SHF: variants seen among roughly 807,000 people sequenced by gnomAD.
SHF encodes SH2 domain-containing adapter protein F.
A neutral mutation model predicts 42.4 loss-of-function variants in SHF; 30 were observed. The observed-to-expected ratio is 0.71, with a 90% CI of 0.53 to 0.96. The LOEUF (loss-of-function observed/expected upper bound fraction) is 0.96. Among genes scored for constraint, SHF ranks in the 40% least tolerant of loss-of-function variants. SHF has a pLI of 0.00. For missense variants in SHF, 598 were observed against 634.0 expected, an observed-to-expected ratio of 0.94 and a Z score of 0.61; for synonymous variants, 264 against 269.9, an observed-to-expected ratio of 0.98 and a Z score of 0.21.
In SHF at chr15:45,167,905, C is replaced by T. The variant is rs1472770488; in HGVS notation, c.*42G>A. The T allele has an allele frequency of 2.0e-6, 3 of 1,478,202 alleles. No individual in the cohort carries two copies. Among genetic ancestry groups the T allele is most frequent in the Non-Finnish European group, 1.8e-6 (2 of 1,104,902 alleles). 91.6% of individuals were successfully genotyped at this position (1,478,202 alleles called of 1,614,324 possible). ...ACAGCCCTCAGCCAGGTGATGGGCA[C>T]AGGGCTGGGTACAGGTCTATCACAG... On this transcript the variant is annotated 3_prime_UTR_variant, in exon 7 of 7. Transcript: ENST00000690270.
At chr15:45,180,611 T>C (rs1202572253) in intron 1 of SHF, among the ~76,000 whole-genome samples, 2 of 152,232 alleles carry the variant, frequency 1.3e-5, no homozygotes, top group African/African-American at 4.8e-5. Flanking sequence ...GCATGTTCTT[T>C]CTACTTCAAA....
At position 45,168,117 on chromosome 15, in the gene SHF, T is replaced by G. The variant is rs746719196; in HGVS notation, c.1297A>C (p.Met433Leu). The G allele has an allele frequency of 6.3e-7, 1 of 1,597,150 alleles. No homozygotes were observed. The highest frequency in any genetic ancestry group is 8.6e-7 in the Non-Finnish European group (1 of 1,169,560). ...TTGGTTCGGGACAGCTTCATGTGCATGAATCCCTGGCTGCTCCTGGGAAGA... is the reference window on the plus strand; with the variant it reads ...TTGGTTCGGGACAGCTTCATGTGCAGGAATCCCTGGCTGCTCCTGGGAAGA... ...SLSLKSSQGF[M>L]HMKLSRTKEH... The change falls in exon 7 of 7, where the codon ATG becomes CTG. Residue 433 changes from methionine to leucine, a missense_variant. By Grantham distance (15) the Met-to-Leu change is conservative. This residue lies in a region of SHF where 439 missense variants were observed against 524.6 expected (regional missense o/e 0.84). Coordinates refer to ENST00000690270, the MANE Select transcript of SHF (RefSeq NM_001394037.1).
upstream of SHF, among the ~76,000 whole-genome samples, chr15:45,192,358 A>AT (rs1193075020): frequency 0.022 from 1,671 of 75,560 alleles, 194 homozygotes; most frequent in African/African-American, 0.031. Flanking sequence ...CTGATTCCAG[A>AT]TTTTTTTTTT....
intron 2 of SHF, among the ~76,000 whole-genome samples, chr15:45,194,590 G>A (rs968217048): frequency 2.0e-5 from 3 of 151,972 alleles, no homozygotes; most frequent in Non-Finnish European, 4.4e-5. Flanking sequence ...GACCTCAGGT[G>A]ATTCACCCAC....
At chr15:45,194,883 C>T (rs918693266) in intron 2 of SHF, among the ~76,000 whole-genome samples, 3 of 152,124 alleles carry the variant, frequency 2.0e-5, no homozygotes, top group African/African-American at 7.2e-5. Flanking sequence ...AGGCTGAGTA[C>T]AGTGGTGTGA....
At chr15:45,184,846 C>T (rs111635758) in intron 1 of SHF, among the ~76,000 whole-genome samples, 688 of 152,368 alleles carry the variant, frequency 4.5e-3, no homozygotes, top group African/African-American at 0.015. Context: ...TTGCAGGGCG[C>T]GGCTCCTGCT....
exon 2 of SHF, chr15:45,198,903 C>A: frequency 6.2e-7 from 1 of 1,613,766 alleles, no homozygotes; most frequent in Non-Finnish European, 8.5e-7. Context: ...TCCCGGTGAG[C>A]GCAGTGGGAG....
At chr15:45,176,306 C>T (rs187481173) in intron 2 of SHF, among the ~76,000 whole-genome samples, 2 of 151,120 alleles carry the variant, frequency 1.3e-5, no homozygotes, top group Admixed American at 6.6e-5. Context: ...TTTGGGATCA[C>T]TGACCCAGCC....
chr15:45,175,465 C>G (rs1272985889), intron 2 of SHF, 40 bp from the exon 3 acceptor site: 1 of 1,548,440 alleles, frequency 6.5e-7, no homozygotes, highest in South Asian at 1.2e-5. Context: ...GAGGGTTCAG[C>G]CTTGGCTTTC....
At position 45,175,295 on chromosome 15, in the gene SHF, C is replaced by A. The variant is rs765397836; in HGVS notation, c.771G>T (p.Glu257Asp). The change falls in exon 3 of 7, where the codon GAG (glutamate) becomes GAT (aspartate). Residue 257 changes from glutamate (E) to aspartate (D), a missense_variant. This residue lies in a region of SHF where 439 missense variants were observed against 524.6 expected (regional missense o/e 0.84). Coordinates refer to ENST00000690270, the MANE Select transcript of SHF (RefSeq NM_001394037.1). ...ACTCCTCAGGGGGCCTCTCATCATC[C>A]TCTGGCAGGCGGGACTCCCGGGGCC... ...APWPRESRLP[E>D]DDERPPEEYD... 3 of 1,611,368 alleles carry A rather than the reference C, an allele frequency of 1.9e-6. No homozygotes were observed. The highest frequency in any genetic ancestry group is 2.5e-6 in the Non-Finnish European group (3 of 1,178,874).
At position 45,175,198 on chromosome 15, in the gene SHF, G is replaced by A. The variant is rs781305373; in HGVS notation, c.847+21C>T. The A allele has an allele frequency of 3.8e-5, 60 of 1,596,110 alleles. 1 individual carries two copies. The South Asian group carries it at 6.2e-4, about 17-fold the overall frequency. ...GCTGCTCAGAGGCCCCAGCTGACCT[G>A]CCCTCTCCACCAGGACTCACCTGCA... On this transcript the variant is annotated intron_variant, in intron 3 of 6. Coordinates refer to ENST00000690270, the MANE Select transcript of SHF (RefSeq NM_001394037.1).
chr15:45,199,326 C>T (rs1259240332), intron 1 of SHF, among the ~76,000 whole-genome samples: 1 of 152,208 alleles, frequency 6.6e-6, no homozygotes, highest in Non-Finnish European at 1.5e-5. Flanking sequence ...TAATTATTGT[C>T]CATCAGTGCT....
At chr15:45,169,570 C>A (rs1450741821) in intron 6 of SHF, among the ~76,000 whole-genome samples, 1 of 152,226 alleles carries the variant, frequency 6.6e-6, no homozygotes, top group African/African-American at 2.4e-5. Context: ...AGGCTCAAGG[C>A]TGTGGGCAGC....
intron 2 of SHF, among the ~76,000 whole-genome samples, chr15:45,196,724 T>C (rs1021114764): frequency 7.9e-5 from 12 of 151,904 alleles, no homozygotes; most frequent in African/African-American, 2.2e-4. Flanking sequence ...GGTGAAACCC[T>C]GTCTCTACTA....
At chr15:45,197,860 G>A (rs1166255382) in intron 2 of SHF, among the ~76,000 whole-genome samples, 1 of 151,266 alleles carries the variant, frequency 6.6e-6, no homozygotes, top group African/African-American at 2.4e-5. Context: ...GCGGGCAAGC[G>A]AGGGCATGTT....
upstream of SHF, among the ~76,000 whole-genome samples, chr15:45,188,922 G>T (rs1898613430): frequency 1.3e-5 from 2 of 152,188 alleles, no homozygotes; most frequent in South Asian, 4.1e-4. Flanking sequence ...GCTGGGCGCG[G>T]TGGCTCACGC....
At chr15:45,200,151 G>C (rs1336102101) in intron 1 of SHF, among the ~76,000 whole-genome samples, 1 of 152,060 alleles carries the variant, frequency 6.6e-6, no homozygotes, top group African/African-American at 2.4e-5. Context: ...CAGTGCTTCT[G>C]TGGAAATTTG....
chr15:45,174,244 CA>C (rs1897677408), intron 3 of SHF: 1 of 170,750 alleles, frequency 5.9e-6, no homozygotes, highest in East Asian at 1.8e-4. Context: ...ATTTAATCCC[CA>C]CCCCCCATCC....
chr15:45,180,260 C>G (rs977942514), intron 1 of SHF, among the ~76,000 whole-genome samples: 3 of 152,150 alleles, frequency 2.0e-5, no homozygotes, highest in Admixed American at 2.0e-4. Flanking sequence ...GCCCTTCACC[C>G]CTAGTCCTCC....
Sources: gnomAD v4.1 joint callset for allele counts (sites outside exome capture counted in the v4.1 genomes callset) on GRCh38, gnomAD v4.1.1 for gene constraint, gnomAD v4.1.1 regional missense constraint, MANE v1.5 for transcripts, NCBI Gene and HGNC (gene_info 2026-07-23, HGNC 2026-07-21) for gene names.